The following UBE4B variants were observed in gnomAD, a reference collection of about 807,000 sequenced individuals.
UBE4B encodes ubiquitination factor E4B.
In UBE4B, 27 loss-of-function variants were observed where a neutral mutation model predicts 148.1. The ratio of observed to expected loss-of-function variants is 0.18; its 90% CI spans 0.13 to 0.25. The LOEUF (loss-of-function observed/expected upper bound fraction) is 0.25. Among genes scored for constraint, UBE4B ranks in the 10% least tolerant of loss-of-function variants. The probability of loss-of-function intolerance (pLI) is 1.00; values close to 1 mark genes in which losing one functional copy is unlikely to be tolerated. For synonymous variants in UBE4B, 596 were observed against 619.3 expected (o/e 0.96, Z 0.56); for missense variants, 1,170 against 1,662.4 (o/e 0.70, Z 5.15).
chr1:10,149,878 G>A (rs1645941769), intron 20 of UBE4B, among the ~76,000 whole-genome samples: 1 of 152,040 alleles, frequency 6.6e-6, no homozygotes, highest in Admixed American at 6.6e-5. Flanking sequence ...AGTCATGCTG[G>A]GCACTGTGGC....
At chr1:10,172,211 T>G (rs576405044) in intron 25 of UBE4B, among the ~76,000 whole-genome samples, 1 of 152,308 alleles carries the variant, frequency 6.6e-6, no homozygotes, top group African/African-American at 2.4e-5. Flanking sequence ...TAGGCTAAGC[T>G]GTCCCTGCGT....
chr1:10,134,394 C>G (rs2101950464), intron 15 of UBE4B, among the ~76,000 whole-genome samples: 1 of 151,718 alleles, frequency 6.6e-6, no homozygotes, highest in African/African-American at 2.4e-5. Flanking sequence ...TGCCTGTAAT[C>G]CCAGCTACTC....
At chr1:10,173,639 T>G (rs894660852) in intron 25 of UBE4B, among the ~76,000 whole-genome samples, 1 of 151,666 alleles carries the variant, frequency 6.6e-6, no homozygotes, top group African/African-American at 2.4e-5. Context: ...TGAGGTGGGG[T>G]CCACACCTGA....
At chr1:10,085,802 T>C (rs1398418947) in intron 2 of UBE4B, among the ~76,000 whole-genome samples, 2 of 152,056 alleles carry the variant, frequency 1.3e-5, no homozygotes, top group African/African-American at 2.4e-5. Context: ...ACTTTTTTTT[T>C]TCTTTGAGAC....
intron 7 of UBE4B, among the ~76,000 whole-genome samples, chr1:10,116,112 A>C (rs1224675506): frequency 6.6e-6 from 1 of 151,988 alleles, no homozygotes; most frequent in Non-Finnish European, 1.5e-5. Flanking sequence ...TGAAGTAGGG[A>C]TGTGTCTCTC....
At chr1:10,164,362 AAAAG>A (rs918958547) in intron 23 of UBE4B, among the ~76,000 whole-genome samples, 28 of 152,046 alleles carry the variant, frequency 1.8e-4, no homozygotes, top group South Asian at 4.2e-4. Flanking sequence ...AAGAAAAAAA[AAAAG>A]AAAGAAAGAG....
At chr1:10,083,443 G>A (rs1319315072) in intron 2 of UBE4B, among the ~76,000 whole-genome samples, 1 of 152,178 alleles carries the variant, frequency 6.6e-6, no homozygotes, top group African/African-American at 2.4e-5. Context: ...ACATCTGTAG[G>A]AATGTCAACA....
At chr1:10,041,982 T>C (rs1643786731) in intron 1 of UBE4B, among the ~76,000 whole-genome samples, 1 of 152,130 alleles carries the variant, frequency 6.6e-6, no homozygotes, top group African/African-American at 2.4e-5. Context: ...GGCATGATGC[T>C]GGAGTGCAGT....
At chr1:10,154,703 G>A (rs1021809352) in intron 21 of UBE4B, among the ~76,000 whole-genome samples, 8 of 152,066 alleles carry the variant, frequency 5.3e-5, no homozygotes, top group African/African-American at 9.7e-5. Flanking sequence ...TTAGCTGGGC[G>A]TAGTGGTGCA....
chr1:10,077,867 TC>T (rs1296479747), intron 2 of UBE4B, among the ~76,000 whole-genome samples: 1 of 152,250 alleles, frequency 6.6e-6, no homozygotes, highest in East Asian at 1.9e-4. Flanking sequence ...TCATTGCTGT[TC>T]CAGACTTGCC....
At chr1:10,157,471 C>T (rs1401679635) in intron 21 of UBE4B, among the ~76,000 whole-genome samples, 1 of 151,896 alleles carries the variant, frequency 6.6e-6, no homozygotes, top group Non-Finnish European at 1.5e-5. Flanking sequence ...GGGCAAGACC[C>T]TGTCTCCAAA....
chr1:10,043,228 T>C (rs1425520925), intron 1 of UBE4B, among the ~76,000 whole-genome samples: 1 of 151,632 alleles, frequency 6.6e-6, no homozygotes, highest in Non-Finnish European at 1.5e-5. Flanking sequence ...AGGCTGGTCT[T>C]GAACTCCTGA....
intron 21 of UBE4B, among the ~76,000 whole-genome samples, chr1:10,156,847 CA>C (rs763969303): frequency 6.6e-6 from 1 of 151,638 alleles, no homozygotes; most frequent in African/African-American, 2.4e-5. Flanking sequence ...TGGTCACACA[CA>C]AAAAAATGTG....
At chr1:10,039,512 C>A (rs1643676120) in intron 1 of UBE4B, among the ~76,000 whole-genome samples, 1 of 151,986 alleles carries the variant, frequency 6.6e-6, no homozygotes, top group South Asian at 2.1e-4. Context: ...TCACTGCAGC[C>A]TCTGGTTCCC....
chr1:10,113,926 A>G (rs1262441563), intron 7 of UBE4B, among the ~76,000 whole-genome samples: 4 of 152,054 alleles, frequency 2.6e-5, no homozygotes, highest in African/African-American at 4.8e-5. Flanking sequence ...TTAGCCAGGC[A>G]TGGTGGCGTG....
At chr1:10,169,599 A>G (rs1557614634) in intron 24 of UBE4B, among the ~76,000 whole-genome samples, 1 of 152,208 alleles carries the variant, frequency 6.6e-6, no homozygotes, top group Non-Finnish European at 1.5e-5. Flanking sequence ...GCCTCCCTTC[A>G]AGGTTTGCAG....
At position 10,148,503 on chromosome 1, in the gene UBE4B, G is replaced by A. The variant is rs1177515224; in HGVS notation, c.2592-681G>A. 8.6e-5 allele frequency among the ~76,000 whole-genome samples: 13 copies of A among 150,824 alleles called. 1 individual carries two copies. The highest frequency in any genetic ancestry group is 1.5e-5 in the Non-Finnish European group (1 of 67,808). ...AAAAATTAGCCAGGTGTGGTGGTGG[G>A]CGCCTGTAATCCCAGCTACTCGGGA... On this transcript the variant is annotated intron_variant, in intron 19 of 27. Transcript: ENST00000343090.
At chr1:10,112,915 G>A (rs1189215108) in intron 7 of UBE4B, among the ~76,000 whole-genome samples, 1 of 152,148 alleles carries the variant, frequency 6.6e-6, no homozygotes, top group African/African-American at 2.4e-5. Context: ...AAATACTGAG[G>A]TTGATGCTAC....
At chr1:10,038,965 TAGG>T (rs1422807192) in intron 1 of UBE4B, among the ~76,000 whole-genome samples, 1 of 151,806 alleles carries the variant, frequency 6.6e-6, no homozygotes, top group African/African-American at 2.4e-5. Context: ...GAGGCTGAAG[TAGG>T]AGAATTGCTT....
Sources: gnomAD v4.1 joint callset for allele counts (sites outside exome capture counted in the v4.1 genomes callset) on GRCh38, gnomAD v4.1.1 for gene constraint, MANE v1.5 for transcripts, NCBI Gene and HGNC (gene_info 2026-07-23, HGNC 2026-07-21) for gene names.